Variants in TRAFD1 observed in about 807,000 individuals in gnomAD.
TRAFD1 encodes the protein TRAF-type zinc finger domain containing 1, also known as TRAF-type zinc finger domain-containing protein 1.
A neutral mutation model predicts 65.3 loss-of-function variants in TRAFD1; 38 were observed. The ratio of observed to expected loss-of-function variants is 0.58; its 90% CI spans 0.45 to 0.76. The LOEUF (loss-of-function observed/expected upper bound fraction) is 0.76, where lower values mean the gene tolerates loss of function less well. Among genes scored for constraint, TRAFD1 ranks in the 30% least tolerant of loss-of-function variants. The pLI is 0.00. For missense variants in TRAFD1, 631 were observed against 712.6 expected, an observed-to-expected ratio of 0.89 and a Z score of 1.30; for synonymous variants, 223 against 257.2, an observed-to-expected ratio of 0.87 and a Z score of 1.27.
At chr12:112,146,987 GTTTTTTTTTTTTTT>G (rs547077120) in intron 7 of TRAFD1, among the ~76,000 whole-genome samples, 16 of 52,530 alleles carry the variant, frequency 3.0e-4, no homozygotes, top group Admixed American at 3.8e-4. Context: ...GGGAACTTCT[GTTTTTTTTTTTTTT>G]TTTTTTTTTT....
intron 2 of TRAFD1, 43 bp from the exon 3 acceptor site, chr12:112,134,690 ATAGAT>A: frequency 2.5e-6 from 4 of 1,591,566 alleles, no homozygotes; most frequent in Admixed American, 3.4e-5. Context: ...AAGAAAAGGC[ATAGAT>A]TAGTCAGTAA....
Position 112,134,782 on chromosome 12 carries a change from A to G in TRAFD1, c.92A>G (p.His31Arg), listed in dbSNP as rs1399055416. 4 of 1,613,442 alleles carry G rather than the reference A, an allele frequency of 2.5e-6. No homozygotes were observed. Among genetic ancestry groups the G allele is most frequent in the Non-Finnish European group, 2.5e-6 (3 of 1,179,360 alleles). Residue 31 changes from histidine (H) to arginine (R), a missense_variant, in exon 3 of 12, where the codon CAC becomes CGC. Coordinates refer to ENST00000412615, the MANE Select transcript of TRAFD1 (RefSeq NM_006700.3). ...PVFNFTIHEI[H>R]CQRNIGMCPT... ...TTTAACTTTACCATCCATGAGATCC[A>G]CTGTCAAAGGAACATTGGTATGTGT...
At position 112,153,134 on chromosome 12, in the gene TRAFD1, G is replaced by A; in HGVS notation, c.*343G>A. Reference sequence around the variant, plus strand: ...CCAGTGGAAGGAGGGGAAGATTTTGGAAACCTGGTAGCCACCAGTAAGGTG... The same window carrying A: ...CCAGTGGAAGGAGGGGAAGATTTTGAAAACCTGGTAGCCACCAGTAAGGTG... On this transcript the variant is annotated 3_prime_UTR_variant, in exon 12 of 12. Transcript: ENST00000412615. The A allele has an allele frequency of 4.1e-6, 1 of 242,020 alleles. No homozygotes were observed. The highest frequency in any genetic ancestry group is 9.2e-5 in the East Asian group (1 of 10,820). The allele number at this position is 242,020 out of a possible 1,614,324, so 15.0% of individuals were successfully genotyped here.
intron 1 of TRAFD1, among the ~76,000 whole-genome samples, chr12:112,129,859 G>A (rs1175443104): frequency 6.6e-6 from 1 of 152,024 alleles, no homozygotes; most frequent in Non-Finnish European, 1.5e-5. Flanking sequence ...GGCTAGGATG[G>A]TCTCGATCTC....
chr12:112,130,441 TG>T lies in TRAFD1; in HGVS notation c.-12-69del, dbSNP rs1165362279. ...AGTTTCTGTATACTAGTTTTTTATT[TG>T]TTTTTTTGCATGTCATCTTTAAAGC... On this transcript the variant is annotated intron_variant, in intron 1 of 11. Transcript: ENST00000412615. This position sits in a 1 kb window ranked among gnomAD's most constrained non-coding sequence, Gnocchi z 4.4. 3.1e-6 allele frequency: 4 copies of T among 1,307,166 alleles called. No homozygotes were observed. Among genetic ancestry groups the T allele is most frequent in the African/African-American group, 1.5e-5 (1 of 68,314 alleles). 81.0% of individuals were successfully genotyped at this position (1,307,166 alleles called of 1,614,324 possible). A position where few individuals can be genotyped will look rare whatever the true frequency, so the allele number is the denominator to read the frequency against.
At chr12:112,129,418 C>A (rs2079556381) in intron 1 of TRAFD1, among the ~76,000 whole-genome samples, 1 of 151,878 alleles carries the variant, frequency 6.6e-6, no homozygotes, top group Admixed American at 6.6e-5. Context: ...CCAGGCTGAT[C>A]TTAAACTCCT....
rs538311762 is a variant in TRAFD1 at position 112,152,985 on chromosome 12, C to T, written c.*194C>T. ...GGTTTGAGGGAAGGGAGCAGGGTGG[C>T]GGTTGAGGAACGCTTCAGCCTTAGC... On this transcript the variant is annotated 3_prime_UTR_variant, in exon 12 of 12. Coordinates refer to ENST00000412615, the MANE Select transcript of TRAFD1 (RefSeq NM_006700.3). This position sits in a 1 kb window ranked among gnomAD's most constrained non-coding sequence, Gnocchi z 5.0. 6.2e-4 allele frequency: 359 copies of T among 582,348 alleles called. No homozygotes were observed. Among genetic ancestry groups the T allele is most frequent in the Non-Finnish European group, 9.1e-4 (307 of 337,860 alleles). The allele number at this position is 582,348 out of a possible 1,614,324, so 36.1% of individuals were successfully genotyped here.
At position 112,134,914 on chromosome 12, in the gene TRAFD1, C is replaced by T. The variant is rs374403040; in HGVS notation, c.183+41C>T. ...CTCAAATGTTTATACATGTGTTATA[C>T]TTGCTGTTGTTCGTAAATGTATTCT... On this transcript the variant is annotated intron_variant, in intron 3 of 11. Coordinates refer to ENST00000412615, the MANE Select transcript of TRAFD1 (RefSeq NM_006700.3). The T allele has an allele frequency of 1.9e-4, 314 of 1,611,740 alleles. 1 individual carries two copies. In the Middle Eastern group the frequency reaches 2.0e-3, roughly 10 times the overall value.
chr12:112,150,812 C>G (rs1354116199), intron 9 of TRAFD1, among the ~76,000 whole-genome samples: 2 of 152,076 alleles, frequency 1.3e-5, no homozygotes, highest in Non-Finnish European at 2.9e-5. Context: ...TTCCTCCCAG[C>G]TCGGCCTCCC....
chr12:112,129,685 T>A (rs1593862414), intron 1 of TRAFD1, among the ~76,000 whole-genome samples: 1 of 152,266 alleles, frequency 6.6e-6, no homozygotes, highest in East Asian at 1.9e-4. Flanking sequence ...ACTCTGTCGC[T>A]AGGGTGGAGT....
intron 1 of TRAFD1, among the ~76,000 whole-genome samples, chr12:112,129,888 T>C (rs1258601781): frequency 1.3e-5 from 2 of 152,102 alleles, no homozygotes; most frequent in African/African-American, 4.8e-5. Context: ...GTGATCTGCC[T>C]GCCTCGGCCT....
At chr12:112,140,119 G>C in intron 4 of TRAFD1, 1 of 334,154 alleles carries the variant, frequency 3.0e-6, no homozygotes, top group Non-Finnish European at 5.9e-6. Flanking sequence ...TCATTATTAG[G>C]TACTTAAGAC....
At chr12:112,151,248 T>A in intron 9 of TRAFD1, among the ~76,000 whole-genome samples, 1 of 151,512 alleles carries the variant, frequency 6.6e-6, no homozygotes, top group Non-Finnish European at 1.5e-5. Context: ...AAAAAAAAAA[T>A]TATTTTTCAA....
intron 6 of TRAFD1, among the ~76,000 whole-genome samples, chr12:112,143,729 G>GT (rs869247106): frequency 0.02 from 2,446 of 121,728 alleles, 58 homozygotes; most frequent in African/African-American, 0.044. Flanking sequence ...TCCCGCTTTG[G>GT]TTTTTTTTTT....
At position 112,151,924 on chromosome 12, in the gene TRAFD1, C is replaced by T. The variant is rs1208315850; in HGVS notation, c.1403C>T (p.Ser468Leu). The change falls in exon 10 of 12, where the codon TCA (serine) becomes TTA (leucine). Residue 468 changes from serine to leucine, a missense_variant. Ser to Leu is a moderately radical substitution (Grantham distance 145, BLOSUM62 -2). Coordinates refer to ENST00000412615, the MANE Select transcript of TRAFD1 (RefSeq NM_006700.3). Reference protein sequence around the residue: ...MTATYNQLSRSTSGPRPGCQP... With the variant: ...MTATYNQLSRLTSGPRPGCQP... ...GCTACCTATAACCAGCTATCGAGATCAACATCAGGCCCCAGACCTGGGTGC... is the reference window on the plus strand; with the variant it reads ...GCTACCTATAACCAGCTATCGAGATTAACATCAGGCCCCAGACCTGGGTGC... The T allele has an allele frequency of 2.5e-6, 4 of 1,614,118 alleles. No individual in the cohort carries two copies. Among genetic ancestry groups the T allele is most frequent in the Non-Finnish European group, 2.5e-6 (3 of 1,180,048 alleles).
Position 112,152,903 on chromosome 12 carries a change from A to G in TRAFD1, c.*112A>G. 5 of 1,283,204 alleles carry G rather than the reference A, an allele frequency of 3.9e-6. No individual in the cohort carries two copies. Among genetic ancestry groups the G allele is most frequent in the Non-Finnish European group, 5.4e-6 (5 of 922,354 alleles). The allele number at this position is 1,283,204 out of a possible 1,614,324, so 79.5% of individuals were successfully genotyped here. A position where few individuals can be genotyped will look rare whatever the true frequency, so the allele number is the denominator to read the frequency against. ...GGGTGGGAGAGTTTTTCCAGATTTT[A>G]GATTTTTCTAGGTTATGGCCATTTT... On this transcript the variant is annotated 3_prime_UTR_variant, in exon 12 of 12. Coordinates refer to ENST00000412615, the MANE Select transcript of TRAFD1 (RefSeq NM_006700.3). The surrounding 1 kb of genome is among the most constrained non-coding windows in gnomAD (Gnocchi z 5.0).
intron 7 of TRAFD1, 106 bp downstream of exon 7, chr12:112,145,768 ATAG>A: frequency 1.1e-6 from 1 of 924,884 alleles, no homozygotes. Context: ...TACAATGCCC[ATAG>A]TAGGAATAGC....
chr12:112,146,183 AG>A (rs2030237770), intron 7 of TRAFD1, among the ~76,000 whole-genome samples: 1 of 147,814 alleles, frequency 6.8e-6, no homozygotes, highest in African/African-American at 2.6e-5. Flanking sequence ...AATAAAAAAA[AG>A]AAGAAGAAGA....
At chr12:112,129,364 G>C (rs575424780) in intron 1 of TRAFD1, among the ~76,000 whole-genome samples, 3 of 151,874 alleles carry the variant, frequency 2.0e-5, no homozygotes, top group African/African-American at 7.2e-5. Flanking sequence ...ACCACGTCTG[G>C]CTAATTTTTA....
Sources: allele counts gnomAD v4.1 joint callset (sites outside exome capture counted in the v4.1 genomes callset), GRCh38; gene constraint gnomAD v4.1.1; non-coding constraint Gnocchi (gnomAD v3.1); transcripts MANE v1.5; gene names NCBI Gene and HGNC (gene_info 2026-07-23, HGNC 2026-07-21).